PTPRM: variants seen among roughly 807,000 people sequenced by gnomAD.
The protein encoded by PTPRM is receptor-type tyrosine-protein phosphatase mu.
In PTPRM, 47 loss-of-function variants were observed where a neutral mutation model predicts 186.7. The observed-to-expected ratio is 0.25, with a 90% CI of 0.20 to 0.32. The LOEUF (loss-of-function observed/expected upper bound fraction) is 0.32. Ranked by LOEUF, PTPRM falls within the 10% of genes least tolerant of loss-of-function variation. The pLI is 1.00. For synonymous variants in PTPRM, 668 were observed against 674.9 expected (o/e 0.99, Z 0.16); for missense variants, 1,494 against 1,865.0 (o/e 0.80, Z 3.66).
intron 14 of PTPRM, among the ~76,000 whole-genome samples, chr18:8,222,061 G>A (rs1334841810): frequency 2.0e-5 from 3 of 152,208 alleles, no homozygotes; most frequent in African/African-American, 7.2e-5. Flanking sequence ...TTGGGAGGCT[G>A]CCCAATTCAA....
At chr18:7,685,211 G>A (rs1474147670) in intron 1 of PTPRM, among the ~76,000 whole-genome samples, 1 of 152,100 alleles carries the variant, frequency 6.6e-6, no homozygotes, top group Non-Finnish European at 1.5e-5. Flanking sequence ...GCCTCCAAGT[G>A]CCCCTGCCCC....
rs192434448 is a variant in PTPRM at position 7,792,673 on chromosome 18, G to A, written c.196+18402G>A. On this transcript the variant is annotated intron_variant, in intron 2 of 32. Coordinates refer to ENST00000580170, the MANE Select transcript of PTPRM (RefSeq NM_001105244.2). ...AGTGTTTTTTTGTTTGTTTGTTTTT[G>A]CTTTTTATTTTGAGATAGGGTCTCA... Among the ~76,000 whole-genome samples the A allele has an allele frequency of 1.9e-3, 282 of 152,000 alleles. 2 individuals are homozygous for A. Among genetic ancestry groups the A allele is most frequent in the African/African-American group, 6.7e-3 (277 of 41,470 alleles).
At chr18:8,365,037 C>G (rs1047962795) in intron 23 of PTPRM, 2 of 152,216 alleles carry the variant, frequency 1.3e-5, no homozygotes, top group East Asian at 3.9e-4. Context: ...ATTCTGCTCT[C>G]CTGCCCACCC....
At chr18:8,361,302 A>C (rs2148393514) in intron 23 of PTPRM, among the ~76,000 whole-genome samples, 1 of 152,274 alleles carries the variant, frequency 6.6e-6, no homozygotes, top group South Asian at 2.1e-4. Context: ...ACTGATACAG[A>C]CCATAAAGCA....
At chr18:8,110,059 C>T (rs1476624303) in intron 11 of PTPRM, among the ~76,000 whole-genome samples, 1 of 152,164 alleles carries the variant, frequency 6.6e-6, no homozygotes, top group East Asian at 1.9e-4. Flanking sequence ...TATCGGTGTG[C>T]TTCCTCCCTC....
At chr18:7,705,375 A>G (rs73391511) in intron 1 of PTPRM, among the ~76,000 whole-genome samples, 1 of 149,974 alleles carries the variant, frequency 6.7e-6, no homozygotes, top group Non-Finnish European at 1.5e-5. Context: ...CTCTCTCTCT[A>G]TCTTCCTATC....
At chr18:8,232,140 C>T (rs763259896) in intron 14 of PTPRM, among the ~76,000 whole-genome samples, 7 of 152,182 alleles carry the variant, frequency 4.6e-5, no homozygotes, top group Non-Finnish European at 7.3e-5. Context: ...CTTGCCTCTT[C>T]CAGAGTGTTA....
At chr18:7,663,501 A>G (rs1034382826) in intron 1 of PTPRM, among the ~76,000 whole-genome samples, 5 of 152,304 alleles carry the variant, frequency 3.3e-5, no homozygotes, top group Middle Eastern at 3.4e-3. Flanking sequence ...TTGTTGCACA[A>G]TCAGCCACCC....
chr18:8,113,618 A>G lies in PTPRM; in HGVS notation c.1989A>G (p.Ala663=), dbSNP rs1379390292. Residue 663 remains alanine (A), a synonymous_variant, in exon 12 of 33, where the codon GCA becomes GCG. Coordinates refer to ENST00000580170, the MANE Select transcript of PTPRM (RefSeq NM_001105244.2). ...SLLNSQYYFA[A]EFPADSLQAA... is the part of the protein sequence containing the mutation. ...TGAACTCACAGTACTACTTTGCTGC[A>G]GAATTTCCTGCAGACAGCCTCCAAG... 6.2e-7 allele frequency: 1 copy of G among 1,614,174 alleles called. No homozygotes were observed. The highest frequency in any genetic ancestry group is 2.2e-5 in the East Asian group (1 of 44,870).
At chr18:7,713,056 G>A (rs1250290907) in intron 1 of PTPRM, among the ~76,000 whole-genome samples, 1 of 152,058 alleles carries the variant, frequency 6.6e-6, no homozygotes, top group African/African-American at 2.4e-5. Flanking sequence ...GCAACCCCAA[G>A]ACACATAATT....
intron 2 of PTPRM, among the ~76,000 whole-genome samples, chr18:7,857,700 A>G (rs1326327226): frequency 6.6e-6 from 1 of 152,132 alleles, no homozygotes; most frequent in Non-Finnish European, 1.5e-5. Context: ...AGTTTCTTTC[A>G]GCCATTACCT....
At chr18:7,675,234 G>T (rs1446076) in intron 1 of PTPRM, among the ~76,000 whole-genome samples, 42 of 152,204 alleles carry the variant, frequency 2.8e-4, no homozygotes, top group Admixed American at 5.2e-4. Context: ...TTTTGTTTTC[G>T]TTAGGGCCTT....
At chr18:7,641,240 C>T (rs1429761078) in intron 1 of PTPRM, among the ~76,000 whole-genome samples, 1 of 152,070 alleles carries the variant, frequency 6.6e-6, no homozygotes, top group Non-Finnish European at 1.5e-5. Context: ...TTTAATTTGT[C>T]TTTAATATTA....
chr18:8,041,824 CAT>C (rs371298510), intron 7 of PTPRM, among the ~76,000 whole-genome samples: 15 of 152,318 alleles, frequency 9.8e-5, no homozygotes, highest in African/African-American at 2.6e-4. Flanking sequence ...CAGCTAGACA[CAT>C]GTTTCCTTCA....
At chr18:7,907,904 A>C (rs1183916062) in intron 4 of PTPRM, among the ~76,000 whole-genome samples, 2 of 149,328 alleles carry the variant, frequency 1.3e-5, no homozygotes, top group African/African-American at 5.0e-5. Flanking sequence ...TTTTTTTTTA[A>C]CTTAAGTGTT....
At position 8,076,574 on chromosome 18, in the gene PTPRM, A is replaced by G; in HGVS notation, c.1551+10A>G. 1 of 1,374,590 alleles carries G rather than the reference A, an allele frequency of 7.3e-7. No individual in the cohort carries two copies. The highest frequency in any genetic ancestry group is 1.0e-6 in the Non-Finnish European group (1 of 974,250). The allele number at this position is 1,374,590 out of a possible 1,614,324, so 85.1% of individuals were successfully genotyped here. A position where few individuals can be genotyped will look rare whatever the true frequency, so the allele number is the denominator to read the frequency against. On this transcript the variant is annotated intron_variant, in intron 9 of 32. Coordinates refer to ENST00000580170, the MANE Select transcript of PTPRM (RefSeq NM_001105244.2). The stretch of plus-strand genomic sequence containing the variant: ...AATCACTTTATATGAGGTAATATAT[A>G]TGTTTGTTAGTAATTTTTAATTAGA...
chr18:8,126,747 G>A (rs1600712494), intron 13 of PTPRM, among the ~76,000 whole-genome samples: 1 of 152,176 alleles, frequency 6.6e-6, no homozygotes, highest in Non-Finnish European at 1.5e-5. Flanking sequence ...TGAGTAGCAA[G>A]GAGGACAGTA....
intron 3 of PTPRM, among the ~76,000 whole-genome samples, chr18:7,903,194 T>C (rs1328576944): frequency 6.6e-6 from 1 of 152,200 alleles, no homozygotes; most frequent in African/African-American, 2.4e-5. Context: ...CTTGAGTTCA[T>C]TGAATGAATG....
intron 1 of PTPRM, among the ~76,000 whole-genome samples, chr18:7,689,928 C>T (rs1010767147): frequency 6.6e-6 from 1 of 152,146 alleles, no homozygotes; most frequent in African/African-American, 2.4e-5. Flanking sequence ...TCACTCATTG[C>T]TCTATTTACA....
Sources: allele counts gnomAD v4.1 joint callset (sites outside exome capture counted in the v4.1 genomes callset), GRCh38; gene constraint gnomAD v4.1.1; transcripts MANE v1.5; gene names NCBI Gene and HGNC (gene_info 2026-07-23, HGNC 2026-07-21).